The following KCNK10 variants were observed in gnomAD, a reference collection of about 807,000 sequenced individuals.
The protein encoded by KCNK10 is potassium two pore domain channel subfamily K member 10.
KCNK10 carries 25 observed loss-of-function variants against 47.7 expected under a neutral mutation model. The ratio of observed to expected loss-of-function variants is 0.52; its 90% CI spans 0.38 to 0.73. The LOEUF (loss-of-function observed/expected upper bound fraction) is 0.73, where lower values mean the gene tolerates loss of function less well. Ranked by LOEUF, KCNK10 falls within the 30% of genes least tolerant of loss-of-function variation. The pLI, the probability that KCNK10 is intolerant of heterozygous loss-of-function variation, is 0.00. For synonymous variants in KCNK10, 303 were observed against 285.6 expected, an observed-to-expected ratio of 1.06 and a Z score of -0.61; for missense variants, 563 against 714.5, an observed-to-expected ratio of 0.79 and a Z score of 2.42.
chr14:88,263,547 G>A lies in KCNK10; in HGVS notation c.57C>T (p.Ala19=), dbSNP rs371530975. ...GGCACACCGGTGCTGCTGCGGGAACGGCCACTGAGGAGTCAGGGTGGGGGA... is the reference window on the plus strand; with the variant it reads ...GGCACACCGGTGCTGCTGCGGGAACAGCCACTGAGGAGTCAGGGTGGGGGA... ...RKQVNWDPKV[A]VPAAAPVCQP... is the part of the protein sequence containing the mutation. Residue 19 remains alanine, a synonymous_variant, in exon 2 of 7, where the codon GCC becomes GCT. Coordinates refer to ENST00000319231, the MANE Select transcript of KCNK10 (RefSeq NM_138317.3). 155 of 1,609,360 alleles carry A rather than the reference G, an allele frequency of 9.6e-5. No individual in the cohort carries two copies. The highest frequency in any genetic ancestry group is 1.6e-4 in the African/African-American group (12 of 75,020).
chr14:88,307,820 C>T (rs1319376915), intron 1 of KCNK10, among the ~76,000 whole-genome samples: 1 of 152,082 alleles, frequency 6.6e-6, no homozygotes, highest in Non-Finnish European at 1.5e-5. Flanking sequence ...CCACTGAAGA[C>T]CCTCAGCAAA....
intron 1 of KCNK10, among the ~76,000 whole-genome samples, chr14:88,287,322 T>C (rs1305752329): frequency 6.6e-6 from 1 of 152,176 alleles, no homozygotes. Flanking sequence ...CAAGTTCTTT[T>C]TTATTATTAT....
rs1361840288 is a variant in KCNK10 at position 88,323,133 on chromosome 14, C to G, written c.-335G>C. On this transcript the variant is annotated 5_prime_UTR_variant, in exon 1 of 7. Coordinates refer to ENST00000319231, the MANE Select transcript of KCNK10 (RefSeq NM_138317.3). ...CCAAGCTGCTTCCCAAAAGCGGTGCCGGCAGGTTAGGGGCTGCGCAGCCTG... is the reference window on the plus strand; with the variant it reads ...CCAAGCTGCTTCCCAAAAGCGGTGCGGGCAGGTTAGGGGCTGCGCAGCCTG... 3 of 1,162,134 alleles carry G rather than the reference C, an allele frequency of 2.6e-6. No individual in the cohort carries two copies. The highest frequency in any genetic ancestry group is 4.1e-5 in the South Asian group (2 of 49,376). The allele number at this position is 1,162,134 out of a possible 1,614,324, so 72.0% of individuals were successfully genotyped here. A position where few individuals can be genotyped will look rare whatever the true frequency, so the allele number is the denominator to read the frequency against.
chr14:88,226,227 T>A (rs1885981111), intron 4 of KCNK10, among the ~76,000 whole-genome samples: 1 of 152,174 alleles, frequency 6.6e-6, no homozygotes, highest in Admixed American at 6.5e-5. Flanking sequence ...CCAGGATCAG[T>A]GAGATTATAA....
chr14:88,257,084 A>G (rs536303503), intron 2 of KCNK10, among the ~76,000 whole-genome samples: 1 of 152,296 alleles, frequency 6.6e-6, no homozygotes, highest in East Asian at 1.9e-4. Flanking sequence ...AGGTTTGAGT[A>G]ATTTTCAAGT....
At chr14:88,261,272 C>T (rs549274991) in intron 2 of KCNK10, among the ~76,000 whole-genome samples, 2 of 152,270 alleles carry the variant, frequency 1.3e-5, no homozygotes, top group East Asian at 3.9e-4. Context: ...GTTATTATGA[C>T]GTGTCTTACA....
Position 88,185,981 on chromosome 14 carries a change from T to C in KCNK10, c.1186A>G (p.Met396Val), listed in dbSNP as rs1884543919. Residue 396 changes from methionine (M) to valine (V), a missense_variant, in exon 7 of 7, where the codon ATG (methionine) becomes GTG (valine). Met to Val is a conservative substitution (Grantham distance 21). Coordinates refer to ENST00000319231, the MANE Select transcript of KCNK10 (RefSeq NM_138317.3). The surrounding 1 kb of genome is among the most constrained non-coding windows in gnomAD (Gnocchi z 4.3). ...ACAGAGCGCTTCTCGGGGGACAGCATGTCCAGTGAGTGGGCCCGCTGGTCC... is the reference window on the plus strand; with the variant it reads ...ACAGAGCGCTTCTCGGGGGACAGCACGTCCAGTGAGTGGGCCCGCTGGTCC... ...GLDQRAHSLD[M>V]LSPEKRSVFA... The C allele has an allele frequency of 9.3e-6, 15 of 1,613,628 alleles. No individual in the cohort carries two copies. Among genetic ancestry groups the C allele is most frequent in the Middle Eastern group, 1.6e-4 (1 of 6,076 alleles).
intron 4 of KCNK10, among the ~76,000 whole-genome samples, chr14:88,218,743 G>C (rs983534268): frequency 1.3e-5 from 2 of 152,068 alleles, no homozygotes; most frequent in Non-Finnish European, 2.9e-5. Flanking sequence ...ATCCTATCAA[G>C]TGATAATCAG....
chr14:88,214,611 C>T (rs1409205589), intron 4 of KCNK10, among the ~76,000 whole-genome samples: 2 of 152,242 alleles, frequency 1.3e-5, no homozygotes, highest in East Asian at 3.9e-4. Context: ...AGTCACATAG[C>T]AGCAGACATG....
chr14:88,322,600 C>G lies in KCNK10; in HGVS notation c.52+147G>C. 9.6e-7 allele frequency: 1 copy of G among 1,041,840 alleles called. No individual in the cohort carries two copies. Among genetic ancestry groups the G allele is most frequent in the Non-Finnish European group, 1.4e-6 (1 of 697,340 alleles). The allele number at this position is 1,041,840 out of a possible 1,614,324, so 64.5% of individuals were successfully genotyped here. A position where few individuals can be genotyped will look rare whatever the true frequency, so the allele number is the denominator to read the frequency against. On this transcript the variant is annotated intron_variant, in intron 1 of 6. Transcript: ENST00000319231. The surrounding 1 kb of genome is among the most constrained non-coding windows in gnomAD (Gnocchi z 4.8). The stretch of plus-strand genomic sequence containing the variant: ...GTTCGGAACCCACGCTGCCTCCGCC[C>G]TCCTCCCACCCGCGCTGCAGTTCCC...
At chr14:88,190,674 A>G (rs1884716003) in intron 5 of KCNK10, among the ~76,000 whole-genome samples, 1 of 152,060 alleles carries the variant, frequency 6.6e-6, no homozygotes, top group Non-Finnish European at 1.5e-5. Flanking sequence ...TGCAATTCTT[A>G]GTCCTTAACC....
chr14:88,275,102 C>A (rs1887498852), intron 1 of KCNK10, among the ~76,000 whole-genome samples: 1 of 152,172 alleles, frequency 6.6e-6, no homozygotes, highest in Non-Finnish European at 1.5e-5. Context: ...CCTGGGCTTT[C>A]CCTGAGGACA....
chr14:88,226,697 A>C (rs1220818277), intron 4 of KCNK10, among the ~76,000 whole-genome samples: 1 of 152,232 alleles, frequency 6.6e-6, no homozygotes, highest in African/African-American at 2.4e-5. Context: ...TGCCAGGAAT[A>C]ATTTATTAAT....
chr14:88,300,619 G>A (rs1419839696), intron 1 of KCNK10, among the ~76,000 whole-genome samples: 1 of 152,172 alleles, frequency 6.6e-6, no homozygotes, highest in Non-Finnish European at 1.5e-5. Context: ...TAATTCAAGT[G>A]GGGTTCTTAC....
At chr14:88,211,790 G>T (rs916406878) in intron 4 of KCNK10, among the ~76,000 whole-genome samples, 7 of 151,964 alleles carry the variant, frequency 4.6e-5, no homozygotes, top group African/African-American at 1.7e-4. Flanking sequence ...CAGCTACTTG[G>T]GAGGCTGAGG....
At chr14:88,326,359 A>G, upstream of KCNK10, 1 of 1,478,034 alleles carries the variant, frequency 6.8e-7, no homozygotes, top group Non-Finnish European at 9.5e-7. Flanking sequence ...GGCTACTGCA[A>G]TCCCCCTCCA....
intron 4 of KCNK10, among the ~76,000 whole-genome samples, chr14:88,204,237 C>G (rs1885193161): frequency 6.6e-6 from 1 of 152,098 alleles, no homozygotes; most frequent in African/African-American, 2.4e-5. Context: ...GGCAGAGGTT[C>G]CCTCGAGAAA....
In KCNK10 at chr14:88,185,695, T is replaced by G. The variant is rs1299014251; in HGVS notation, c.1472A>C (p.Lys491Thr). ...FRNYSLDEEK[K>T]EEETEKMCNS... ...ACACATCTTTTCCGTCTCCTCCTCTTTCTTCTCCTCGTCCAGGGAGTAATT... is the reference window on the plus strand; with the variant it reads ...ACACATCTTTTCCGTCTCCTCCTCTGTCTTCTCCTCGTCCAGGGAGTAATT... The change falls in exon 7 of 7, where the codon AAA (lysine) becomes ACA (threonine). Residue 491 changes from lysine (K) to threonine (T), a missense_variant. Lys to Thr is a moderately conservative substitution (Grantham distance 78, BLOSUM62 -1). Coordinates refer to ENST00000319231, the MANE Select transcript of KCNK10 (RefSeq NM_138317.3). This position sits in a 1 kb window ranked among gnomAD's most constrained non-coding sequence, Gnocchi z 4.3. 5.6e-6 allele frequency: 9 copies of G among 1,614,208 alleles called. No individual in the cohort carries two copies. The highest frequency in any genetic ancestry group is 7.6e-6 in the Non-Finnish European group (9 of 1,180,034).
chr14:88,322,668 G>A lies in KCNK10; in HGVS notation c.52+79C>T. The A allele has an allele frequency of 6.4e-7, 1 of 1,572,768 alleles. No individual in the cohort carries two copies. Among genetic ancestry groups the A allele is most frequent in the South Asian group, 1.1e-5 (1 of 90,090 alleles). On this transcript the variant is annotated intron_variant, in intron 1 of 6. Transcript: ENST00000319231. This position sits in a 1 kb window ranked among gnomAD's most constrained non-coding sequence, Gnocchi z 4.8. ...TCAGGACACACGCTGCCAGAAGCAA[G>A]AGTGCTTCCACTCAAGGAAGCGCGC... is the stretch of plus-strand genomic sequence containing the variant.
Sources: allele counts gnomAD v4.1 joint callset (sites outside exome capture counted in the v4.1 genomes callset), GRCh38; gene constraint gnomAD v4.1.1; non-coding constraint Gnocchi (gnomAD v3.1); transcripts MANE v1.5; gene names NCBI Gene and HGNC (gene_info 2026-07-23, HGNC 2026-07-21).